Variants in NSUN7 observed in about 807,000 individuals in gnomAD.
NSUN7 encodes protein NSUN7.
In NSUN7, 39 loss-of-function variants were observed where a neutral mutation model predicts 58.5. The observed-to-expected ratio is 0.67, with a 90% CI of 0.52 to 0.87. NSUN7 has a LOEUF of 0.87. NSUN7 is among the 40% of genes least tolerant of loss of function. The pLI is 0.00. For synonymous variants in NSUN7, 278 were observed against 303.7 expected (o/e 0.92, Z 0.88); for missense variants, 765 against 844.1 (o/e 0.91, Z 1.16).
chr4:40,809,920 A>G lies in NSUN7; in HGVS notation c.*981A>G, dbSNP rs1445591559. 6.6e-6 allele frequency: 1 copy of G among 152,204 alleles called. No individual in the cohort carries two copies. The highest frequency in any genetic ancestry group is 1.5e-5 in the Non-Finnish European group (1 of 68,028). 9.4% of individuals were successfully genotyped at this position (152,204 alleles called of 1,614,324 possible). A position where few individuals can be genotyped will look rare whatever the true frequency, so the allele number is the denominator to read the frequency against. ...CCTACCAAAAATTGGTATGATTATCATTTCTGGGTCTACTGATTTTTCATC... is the reference window on the plus strand; with the variant it reads ...CCTACCAAAAATTGGTATGATTATCGTTTCTGGGTCTACTGATTTTTCATC... On this transcript the variant is annotated 3_prime_UTR_variant, in exon 12 of 12. Transcript: ENST00000381782.
At chr4:40,779,884 A>G (rs1427137009) in intron 7 of NSUN7, among the ~76,000 whole-genome samples, 2 of 152,212 alleles carry the variant, frequency 1.3e-5, no homozygotes, top group Non-Finnish European at 2.9e-5. Flanking sequence ...GATGTTTGCT[A>G]TAATTTCTGG....
At chr4:40,784,664 G>A (rs778175788) in intron 7 of NSUN7, among the ~76,000 whole-genome samples, 3 of 152,224 alleles carry the variant, frequency 2.0e-5, no homozygotes, top group Non-Finnish European at 2.9e-5. Context: ...TGAGTATGGG[G>A]TTTCTCTTGG....
chr4:40,761,059 A>G (rs1741437518), intron 3 of NSUN7, 112 bp from the exon 4 acceptor site: 1 of 823,060 alleles, frequency 1.2e-6, no homozygotes, highest in South Asian at 1.7e-5. Flanking sequence ...CTATGTAAAA[A>G]TAGTCGTATT....
chr4:40,773,300 C>T (rs1207727200), intron 4 of NSUN7: 1 of 152,178 alleles, frequency 6.6e-6, no homozygotes, highest in African/African-American at 2.4e-5. Flanking sequence ...AAGTAACATT[C>T]CTGAGGTTAC....
At chr4:40,788,498 T>C (rs771301131) in intron 7 of NSUN7, among the ~76,000 whole-genome samples, 1 of 152,084 alleles carries the variant, frequency 6.6e-6, no homozygotes. Context: ...CCAGTTCTTA[T>C]TATTGCCTCT....
At chr4:40,760,652 C>T (rs898363400) in intron 3 of NSUN7, among the ~76,000 whole-genome samples, 160 bp downstream of exon 3, 40 of 152,142 alleles carry the variant, frequency 2.6e-4, no homozygotes, top group African/African-American at 5.8e-4. Context: ...CATCTGAGGT[C>T]GGGAGTTCGA....
chr4:40,780,728 A>G lies in NSUN7; in HGVS notation c.1036+4469A>G, dbSNP rs185565087. On this transcript the variant is annotated intron_variant, in intron 7 of 11. Transcript: ENST00000381782. ...CTTACATACATTATATACATATGAC[A>G]TTAAAATATTATGTAAACATTGAAA... is the stretch of plus-strand genomic sequence containing the variant. Among the ~76,000 whole-genome samples the G allele has an allele frequency of 9.8e-3, 1,469 of 149,920 alleles. 27 individuals carry two copies. Among genetic ancestry groups the G allele is most frequent in the African/African-American group, 0.033 (1,355 of 40,782 alleles).
intron 4 of NSUN7, among the ~76,000 whole-genome samples, chr4:40,762,869 AGATGATCCTTATGAGATCATCTAATGCTT>A (rs879343855): frequency 3.5e-4 from 51 of 144,222 alleles, no homozygotes; most frequent in Middle Eastern, 3.4e-3. Context: ...TCATCTAATT[AGATGATCCTTATGAGATCATCTAATGCTT>A]GATGATCCTT....
chr4:40,808,411 G>C lies in NSUN7; in HGVS notation c.1629G>C (p.Lys543Asn). Reference sequence around the variant, plus strand: ...TGGGTAAATCATCAAAACGGGAGAAGAAGAAGAAAAAATCAAAAACATCAT... The same window carrying C: ...TGGGTAAATCATCAAAACGGGAGAACAAGAAGAAAAAATCAAAAACATCAT... ...IELGKSSKRE[K>N]KKKKSKTSLT... The change falls in exon 12 of 12, where the codon AAG becomes AAC. Residue 543 changes from lysine to asparagine, a missense_variant. By Grantham distance (94) the Lys-to-Asn change is moderately conservative. Transcript: ENST00000381782. 1 of 1,613,950 alleles carries C rather than the reference G, an allele frequency of 6.2e-7. No individual in the cohort carries two copies. Among genetic ancestry groups the C allele is most frequent in the Non-Finnish European group, 8.5e-7 (1 of 1,179,940 alleles).
At chr4:40,765,649 T>C (rs912276050) in intron 4 of NSUN7, among the ~76,000 whole-genome samples, 1 of 152,240 alleles carries the variant, frequency 6.6e-6, no homozygotes, top group African/African-American at 2.4e-5. Context: ...GGGATGGCAT[T>C]GAATCTATAA....
chr4:40,774,903 G>T lies in NSUN7; in HGVS notation c.778G>T (p.Asp260Tyr), dbSNP rs1422688974. 3.1e-6 allele frequency: 4 copies of T among 1,276,114 alleles called. No individual in the cohort carries two copies. Among genetic ancestry groups the T allele is most frequent in the Admixed American group, 1.7e-5 (1 of 58,068 alleles). 79.0% of individuals were successfully genotyped at this position (1,276,114 alleles called of 1,614,324 possible). A position where few individuals can be genotyped will look rare whatever the true frequency, so the allele number is the denominator to read the frequency against. ...VLIFPSHLKN[D>Y]LINIDLFKDY... The stretch of plus-strand genomic sequence containing the variant: ...AATTTTTCCATCTCATCTTAAAAAT[G>T]ATCTTATAAATATAGATCTTTTCAA... The change falls in exon 6 of 12, where the codon GAT becomes TAT. Residue 260 changes from aspartate to tyrosine, a missense_variant. Coordinates refer to ENST00000381782, the MANE Select transcript of NSUN7 (RefSeq NM_024677.6).
intron 4 of NSUN7, among the ~76,000 whole-genome samples, chr4:40,761,804 A>C (rs1220882040): frequency 1.3e-5 from 2 of 152,250 alleles, no homozygotes; most frequent in African/African-American, 4.8e-5. Context: ...GAGAATAAGA[A>C]GTTTCTACCT....
In NSUN7 at chr4:40,786,284, A is replaced by G. The variant is rs957662386; in HGVS notation, c.1037-4318A>G. ...CCTACCAAAGGATTTAACACTGAGA[A>G]AATTAAGGTAACCTTGGGAAATTCT... On this transcript the variant is annotated intron_variant, in intron 7 of 11. Transcript: ENST00000381782. 3 of 1,613,322 alleles carry G rather than the reference A, an allele frequency of 1.9e-6. No individual in the cohort carries two copies. In the African/African-American group the frequency reaches 4.0e-5, roughly 22 times the overall value.
chr4:40,776,002 T>C (rs758757016), intron 6 of NSUN7, 47 bp from the exon 7 acceptor site: 2 of 1,230,936 alleles, frequency 1.6e-6, no homozygotes, highest in East Asian at 4.7e-5. Flanking sequence ...TCAGCTTATA[T>C]TTCTAGCCAT....
intron 7 of NSUN7, among the ~76,000 whole-genome samples, chr4:40,780,504 G>A (rs1176026431): frequency 6.6e-6 from 1 of 151,788 alleles, no homozygotes; most frequent in African/African-American, 2.4e-5. Context: ...CTACTCAGGA[G>A]GCTGAGGTTA....
At chr4:40,780,359 G>T (rs1405319853) in intron 7 of NSUN7, among the ~76,000 whole-genome samples, 1 of 152,158 alleles carries the variant, frequency 6.6e-6, no homozygotes, top group African/African-American at 2.4e-5. Context: ...TTCCATTCCA[G>T]CACTTTGTGA....
At chr4:40,750,491 C>G (rs1447810931) in intron 1 of NSUN7, 112 bp from the exon 2 acceptor site, 3 of 504,556 alleles carry the variant, frequency 5.9e-6, no homozygotes, top group East Asian at 3.6e-5. Context: ...CTGGGACACT[C>G]AGATGGGACG....
At chr4:40,804,085 C>T (rs1044513348) in intron 10 of NSUN7, among the ~76,000 whole-genome samples, 2 of 152,214 alleles carry the variant, frequency 1.3e-5, no homozygotes, top group African/African-American at 4.8e-5. Flanking sequence ...ATTCTATTCT[C>T]ATTCTATCCG....
In NSUN7 at chr4:40,808,846, C is replaced by A. The variant is rs1240258039; in HGVS notation, c.2064C>A (p.Thr688=). Residue 688 remains threonine, a synonymous_variant, in exon 12 of 12, where the codon ACC becomes ACA. Coordinates refer to ENST00000381782, the MANE Select transcript of NSUN7 (RefSeq NM_024677.6). The stretch of plus-strand genomic sequence containing the variant: ...TTGCACCCAAGGCACTTGTGCCCAC[C>A]TGCCTTCCCACACACTCACTATCCA... The part of the protein sequence containing the change: ...RWVAPKALVP[T]CLPTHSLSRK... 1 of 1,549,470 alleles carries A rather than the reference C, an allele frequency of 6.5e-7. No individual in the cohort carries two copies. Among genetic ancestry groups the A allele is most frequent in the Non-Finnish European group, 8.7e-7 (1 of 1,146,794 alleles).
Sources: gnomAD v4.1 joint callset for allele counts (sites outside exome capture counted in the v4.1 genomes callset) on GRCh38, gnomAD v4.1.1 for gene constraint, MANE v1.5 for transcripts, NCBI Gene and HGNC (gene_info 2026-07-23, HGNC 2026-07-21) for gene names.